Variants in VEGFA observed in about 807,000 individuals in gnomAD.
The protein encoded by VEGFA is vascular endothelial growth factor A, long form.
Under a neutral mutation model 49.7 loss-of-function variants are expected in VEGFA, and 20 were observed. The observed-to-expected ratio is 0.40, with a 90% CI of 0.28 to 0.58. VEGFA has a LOEUF of 0.58. Among genes scored for constraint, VEGFA ranks in the 20% least tolerant of loss-of-function variants. VEGFA has a pLI of 0.40. For missense variants in VEGFA, 505 were observed against 553.5 expected (o/e 0.91, Z 0.88); for synonymous variants, 219 against 223.4 (o/e 0.98, Z 0.18).
chr6:43,777,697 G>A lies in VEGFA; in HGVS notation c.855+32G>A, dbSNP rs1172864472. 3.5e-6 allele frequency: 3 copies of A among 866,004 alleles called. No homozygotes were observed. The highest frequency in any genetic ancestry group is 3.6e-6 in the Non-Finnish European group (2 of 554,346). 53.6% of individuals were successfully genotyped at this position (866,004 alleles called of 1,614,324 possible). On this transcript the variant is annotated intron_variant, in intron 3 of 7. Coordinates refer to ENST00000672860, the MANE Select transcript of VEGFA (RefSeq NM_003376.6). The surrounding 1 kb of genome is among the most constrained non-coding windows in gnomAD (Gnocchi z 4.3). Reference sequence around the variant, plus strand: ...ATCTTTGGGAAGTGGGGCAAGGGGGGGATAGGGAGGGGGGTAACACTTTGG... The same window carrying A: ...ATCTTTGGGAAGTGGGGCAAGGGGGAGATAGGGAGGGGGGTAACACTTTGG...
intron 4 of VEGFA, 62 bp downstream of exon 4, chr6:43,778,598 G>A: frequency 1.3e-6 from 2 of 1,536,158 alleles, no homozygotes; most frequent in Non-Finnish European, 9.0e-7. Flanking sequence ...ATCTGTGCCA[G>A]GGTTAAGCAT....
In VEGFA at chr6:43,773,508, G is replaced by A. The variant is rs1764282219; in HGVS notation, c.607-833G>A. 6.6e-6 allele frequency: 1 copy of A among 152,292 alleles called. No homozygotes were observed. The highest frequency in any genetic ancestry group is 1.5e-5 in the Non-Finnish European group (1 of 68,136). 9.4% of individuals were successfully genotyped at this position (152,292 alleles called of 1,614,324 possible). On this transcript the variant is annotated intron_variant, in intron 1 of 7. Transcript: ENST00000672860. The surrounding 1 kb of genome is among the most constrained non-coding windows in gnomAD (Gnocchi z 5.6). Reference sequence around the variant, plus strand: ...AGGCCTCAGGCCTAAGGTGGTGCAGGGGGCCCCCTAGGGGCTGGGCAGTGC... The same window carrying A: ...AGGCCTCAGGCCTAAGGTGGTGCAGAGGGCCCCCTAGGGGCTGGGCAGTGC...
At position 43,785,541 on chromosome 6, in the gene VEGFA, C is replaced by A. The variant is rs1421982497; in HGVS notation, c.*979C>A. 5 of 212,700 alleles carry A rather than the reference C, an allele frequency of 2.4e-5. No individual in the cohort carries two copies. The highest frequency in any genetic ancestry group is 9.1e-5 in the African/African-American group (4 of 44,054). 13.2% of individuals were successfully genotyped at this position (212,700 alleles called of 1,614,324 possible). ...TGGAAGAAGCAGCCCATGACAGCTC[C>A]CCTTCCTGGGACTCGCCCTCATCCT... On this transcript the variant is annotated 3_prime_UTR_variant, in exon 8 of 8. Coordinates refer to ENST00000672860, the MANE Select transcript of VEGFA (RefSeq NM_003376.6).
chr6:43,771,087 A>G lies in VEGFA; in HGVS notation c.381A>G (p.Ala127=). The change falls in exon 1 of 8, where the codon GCA becomes GCG. Residue 127 remains alanine (A), a synonymous_variant. Transcript: ENST00000672860. The stretch of plus-strand genomic sequence containing the variant: ...GGACGGGTGAGGCGGCGGTGTGCGC[A>G]GACAGTGCTCCAGCCGCGCGCGCTC... 3 of 1,486,540 alleles carry G rather than the reference A, an allele frequency of 2.0e-6. No individual in the cohort carries two copies. The highest frequency in any genetic ancestry group is 4.5e-5 in the Admixed American group (2 of 44,654). The allele number at this position is 1,486,540 out of a possible 1,614,324, so 92.1% of individuals were successfully genotyped here. A position where few individuals can be genotyped will look rare whatever the true frequency, so the allele number is the denominator to read the frequency against.
rs374253522 is a variant in VEGFA, at chr6:43,784,558, G to A, written c.1184G>A (p.Arg395Gln). 1.4e-5 allele frequency: 22 copies of A among 1,614,046 alleles called. No individual in the cohort carries two copies. The highest frequency in any genetic ancestry group is 2.2e-5 in the East Asian group (1 of 44,896). The stretch of plus-strand genomic sequence containing the variant: ...TCCCTCAGATGTGACAAGCCGAGGC[G>A]GTGAGCCGGGCAGGAGGAAGGAGCC... Residue 395 changes from arginine to glutamine, a missense_variant, in exon 8 of 8, where the codon CGG becomes CAG. By Grantham distance (43) the Arg-to-Gln change is conservative. Transcript: ENST00000672860.
Position 43,784,522 on chromosome 6 carries a change from TG to T in VEGFA, c.1167-18del. 1 of 1,614,078 alleles carries T rather than the reference TG, an allele frequency of 6.2e-7. No homozygotes were observed. The highest frequency in any genetic ancestry group is 8.5e-7 in the Non-Finnish European group (1 of 1,179,936). On this transcript the variant is annotated intron_variant, in intron 7 of 7. Transcript: ENST00000672860. ...CTCACTTGGCCCTAACCCCAGCCTT[TG>T]TTTTCCATTTCCCTCAGATGTGACA...
chr6:43,774,097 C>T, intron 1 of VEGFA: 1 of 588,912 alleles, frequency 1.7e-6, no homozygotes, highest in Non-Finnish European at 3.0e-6. Flanking sequence ...ATTTCGAGCT[C>T]CCCAGCCCCC....
Position 43,777,026 on chromosome 6 carries a change from G to T in VEGFA, c.659-443G>T. On this transcript the variant is annotated intron_variant, in intron 2 of 7. Coordinates refer to ENST00000672860, the MANE Select transcript of VEGFA (RefSeq NM_003376.6). The surrounding 1 kb of genome is among the most constrained non-coding windows in gnomAD (Gnocchi z 4.3). ...TGCTCAATAAACAGCTGTTGGTATG[G>T]TTGACGTTATGGTAGTGGTTGTGGG... The T allele has an allele frequency of 3.0e-6, 1 of 337,412 alleles. No individual in the cohort carries two copies. The highest frequency in any genetic ancestry group is 4.0e-5 in the Admixed American group (1 of 25,150). The allele number at this position is 337,412 out of a possible 1,614,324, so 20.9% of individuals were successfully genotyped here.
intron 1 of VEGFA, 135 bp from the exon 2 acceptor site, chr6:43,774,206 G>A: frequency 1.1e-6 from 1 of 903,990 alleles, no homozygotes. Context: ...GTTGTGTCCT[G>A]TTCGACTCAG....
chr6:43,781,026 C>A, intron 6 of VEGFA: 1 of 1,127,780 alleles, frequency 8.9e-7, no homozygotes, highest in Non-Finnish European at 1.3e-6. Context: ...AATGGGGGTG[C>A]CGACTTGGCC....
In VEGFA at chr6:43,770,949, A is replaced by T; in HGVS notation, c.243A>T (p.Arg81Ser). Reference sequence around the variant, plus strand: ...AAGCCGAGCCGAGCGGAGCCGCGAGAAGTGCTAGCTCGGGCCGGGAGGAGC... The same window carrying T: ...AAGCCGAGCCGAGCGGAGCCGCGAGTAGTGCTAGCTCGGGCCGGGAGGAGC... The change falls in exon 1 of 8, where the codon AGA becomes AGT. Residue 81 changes from arginine (R) to serine (S), a missense_variant. Around this residue, in one of 2 missense-constraint regions of VEGFA, gnomAD observed 340 missense variants for 321.8 expected, o/e 1.06. Coordinates refer to ENST00000672860, the MANE Select transcript of VEGFA (RefSeq NM_003376.6). 1 of 1,544,768 alleles carries T rather than the reference A, an allele frequency of 6.5e-7. No homozygotes were observed. The highest frequency in any genetic ancestry group is 8.7e-7 in the Non-Finnish European group (1 of 1,145,480).
In VEGFA at chr6:43,770,953, G is replaced by C. The variant is rs1763336870; in HGVS notation, c.247G>C (p.Ala83Pro). ...CGAGCCGAGCGGAGCCGCGAGAAGT[G>C]CTAGCTCGGGCCGGGAGGAGCCGCA... Residue 83 changes from alanine to proline, a missense_variant, in exon 1 of 8, where the codon GCT becomes CCT. By Grantham distance (27) the Ala-to-Pro change is conservative (BLOSUM62 -1). Transcript: ENST00000672860. The C allele has an allele frequency of 6.5e-7, 1 of 1,544,658 alleles. No individual in the cohort carries two copies. The highest frequency in any genetic ancestry group is 8.7e-7 in the Non-Finnish European group (1 of 1,145,486).
intron 2 of VEGFA, 50 bp downstream of exon 2, chr6:43,774,442 G>C (rs1163867637): frequency 6.3e-7 from 1 of 1,598,444 alleles, no homozygotes; most frequent in Non-Finnish European, 8.6e-7. Flanking sequence ...TCAGGGGATG[G>C]GTGGATGGCC....
chr6:43,782,367 G>A (rs1189078174), intron 7 of VEGFA: 16 of 449,972 alleles, frequency 3.6e-5, no homozygotes, highest in East Asian at 1.9e-4. Flanking sequence ...TGGTGTGGAC[G>A]CAAGCTGTGT....
chr6:43,777,697 G>T lies in VEGFA; in HGVS notation c.855+32G>T, dbSNP rs1172864472. ...ATCTTTGGGAAGTGGGGCAAGGGGG[G>T]GATAGGGAGGGGGGTAACACTTTGG... On this transcript the variant is annotated intron_variant, in intron 3 of 7. Transcript: ENST00000672860. This position sits in a 1 kb window ranked among gnomAD's most constrained non-coding sequence, Gnocchi z 4.3. 3.5e-6 allele frequency: 3 copies of T among 866,020 alleles called. No individual in the cohort carries two copies. Among genetic ancestry groups the T allele is most frequent in the South Asian group, 2.6e-5 (2 of 76,380 alleles). 53.6% of individuals were successfully genotyped at this position (866,020 alleles called of 1,614,324 possible).
At chr6:43,774,320 T>C in intron 1 of VEGFA, 21 bp from the exon 2 acceptor site, 1 of 1,613,936 alleles carries the variant, frequency 6.2e-7, no homozygotes, top group Non-Finnish European at 8.5e-7. Flanking sequence ...TGCCCATGCC[T>C]TGCTCTCTTT....
chr6:43,778,589 T>A, intron 4 of VEGFA, 53 bp downstream of exon 4: 3 of 1,563,824 alleles, frequency 1.9e-6, no homozygotes, highest in South Asian at 1.1e-5. Flanking sequence ...GGGTGCCTGA[T>A]CTGTGCCAGG....
chr6:43,784,191 A>G lies in VEGFA; in HGVS notation c.1167-350A>G, dbSNP rs3025037. ...CTTCATCCAGCTCTGGTCACCCATC[A>G]GCTCTTAAAATGTCAAGTGGGGACT... On this transcript the variant is annotated intron_variant, in intron 7 of 7. Coordinates refer to ENST00000672860, the MANE Select transcript of VEGFA (RefSeq NM_003376.6). 2.4e-3 allele frequency: 981 copies of G among 410,792 alleles called. 9 individuals are homozygous for G. Among genetic ancestry groups the G allele is most frequent in the African/African-American group, 0.018 (917 of 49,582 alleles). 25.4% of individuals were successfully genotyped at this position (410,792 alleles called of 1,614,324 possible). A position where few individuals can be genotyped will look rare whatever the true frequency, so the allele number is the denominator to read the frequency against.
rs78877454 is a variant in VEGFA at position 43,782,283 on chromosome 6, T to C, written c.1166+196T>C. ...GGCCCCTGTGGTGGGCTGCAGGCAC[T>C]GGTCCAGCCTGGCGGGGCCTGTTCC... On this transcript the variant is annotated intron_variant, in intron 7 of 7. Coordinates refer to ENST00000672860, the MANE Select transcript of VEGFA (RefSeq NM_003376.6). 75 of 798,784 alleles carry C rather than the reference T, an allele frequency of 9.4e-5. No homozygotes were observed. In the African/African-American group the frequency reaches 1.3e-3, roughly 13 times the overall value. 49.5% of individuals were successfully genotyped at this position (798,784 alleles called of 1,614,324 possible).
Sources: gnomAD v4.1 joint callset for allele counts on GRCh38, gnomAD v4.1.1 for gene constraint, gnomAD v4.1.1 regional missense constraint, Gnocchi (gnomAD v3.1) non-coding constraint, MANE v1.5 for transcripts, NCBI Gene and HGNC (gene_info 2026-07-23, HGNC 2026-07-21) for gene names.